Variants in MAK observed in about 807,000 individuals in gnomAD.
The protein encoded by MAK is serine/threonine-protein kinase MAK.
A neutral mutation model predicts 82.6 loss-of-function variants in MAK; 65 were observed. The observed-to-expected ratio is 0.79, with a 90% CI of 0.64 to 0.97. MAK has a LOEUF of 0.97. Ranked by LOEUF, MAK falls within the 50% of genes least tolerant of loss-of-function variation. The pLI, the probability that MAK is intolerant of heterozygous loss-of-function variation, is 0.00. For missense variants in MAK, 703 were observed against 780.2 expected (o/e 0.90, Z 1.18); for synonymous variants, 250 against 274.2 (o/e 0.91, Z 0.87).
rs566306917 is a variant in MAK at position 10,783,844 on chromosome 6, C to T, written c.1465+580G>A. Among the ~76,000 whole-genome samples the T allele has an allele frequency of 2.7e-4, 41 of 152,218 alleles. No homozygotes were observed. The East Asian group carries it at 4.8e-3, about 18-fold the overall frequency. ...GACCATCCCGGCTAACACGGTGAAACACCATCTCTACTAAAAATGCAAAAA... is the reference window on the plus strand; with the variant it reads ...GACCATCCCGGCTAACACGGTGAAATACCATCTCTACTAAAAATGCAAAAA... On this transcript the variant is annotated intron_variant, in intron 11 of 14. Transcript: ENST00000354489.
intron 10 of MAK, among the ~76,000 whole-genome samples, chr6:10,789,350 G>T (rs1243565218): frequency 6.6e-6 from 1 of 152,024 alleles, no homozygotes; most frequent in Non-Finnish European, 1.5e-5. Context: ...ATATTTGAAA[G>T]AATACACATC....
intron 1 of MAK, among the ~76,000 whole-genome samples, chr6:10,836,784 T>C (rs780865617): frequency 3.3e-5 from 5 of 152,250 alleles, no homozygotes; most frequent in African/African-American, 4.8e-5. Context: ...TTAACAGAAT[T>C]GTTAAAAACT....
intron 5 of MAK, among the ~76,000 whole-genome samples, chr6:10,811,241 C>G (rs767896884): frequency 6.6e-6 from 1 of 152,244 alleles, no homozygotes; most frequent in Non-Finnish European, 1.5e-5. Flanking sequence ...TCAAGTGATC[C>G]GCCTGCCTTG....
At chr6:10,770,811 A>T (rs1256164023) in intron 13 of MAK, among the ~76,000 whole-genome samples, 1 of 152,108 alleles carries the variant, frequency 6.6e-6, no homozygotes, top group South Asian at 2.1e-4. Flanking sequence ...TAGCATAGGG[A>T]TGCATTGATG....
At chr6:10,797,849 T>C in intron 8 of MAK, 1 of 1,285,590 alleles carries the variant, frequency 7.8e-7, no homozygotes, top group African/African-American at 1.5e-5. Context: ...TAATTAGGTC[T>C]TTCCACTTCC....
chr6:10,824,504 C>T (rs747708958), intron 2 of MAK, among the ~76,000 whole-genome samples: 3 of 152,182 alleles, frequency 2.0e-5, no homozygotes, highest in Admixed American at 6.5e-5. Flanking sequence ...ATCACACACA[C>T]GTTCTGAACA....
At chr6:10,831,034 A>G (rs1018693241) in intron 1 of MAK, among the ~76,000 whole-genome samples, 157 bp from the exon 2 acceptor site, 27 of 152,224 alleles carry the variant, frequency 1.8e-4, no homozygotes, top group African/African-American at 6.5e-4. Context: ...AATGAAGTTC[A>G]CATATAACTC....
At chr6:10,805,419 C>G (rs1776359610) in intron 6 of MAK, among the ~76,000 whole-genome samples, 2 of 151,956 alleles carry the variant, frequency 1.3e-5, no homozygotes, top group Admixed American at 6.6e-5. Context: ...AACCCCGTCT[C>G]TACTAAAAAT....
chr6:10,830,129 G>C (rs1420162444), intron 2 of MAK, among the ~76,000 whole-genome samples: 3 of 111,136 alleles, frequency 2.7e-5, no homozygotes, highest in African/African-American at 1.1e-4. Context: ...GTGCACGTGT[G>C]TGTGTGTGTG....
intron 11 of MAK, among the ~76,000 whole-genome samples, chr6:10,780,574 C>T (rs1773872573): frequency 6.6e-6 from 1 of 151,558 alleles, no homozygotes; most frequent in Admixed American, 6.6e-5. Context: ...CCTGCCTCAG[C>T]CTCCTGAGTA....
intron 8 of MAK, among the ~76,000 whole-genome samples, chr6:10,799,297 T>C (rs1267354426): frequency 6.6e-6 from 1 of 152,230 alleles, no homozygotes; most frequent in Non-Finnish European, 1.5e-5. Context: ...CTACTTGCAT[T>C]TTATAATAGT....
In MAK at chr6:10,813,127, TA is replaced by T. The variant is rs1777157402; in HGVS notation, c.358+516del. 9.2e-3 allele frequency among the ~76,000 whole-genome samples: 8 copies of T among 870 alleles called. 2 individuals carry two copies. The highest frequency in any genetic ancestry group is 0.02 in the Non-Finnish European group (7 of 358). 0.6% of individuals were successfully genotyped at this position (870 alleles called of 152,430 possible). ...ATATATATATATATATATATATATA[TA>T]TATATAAATTTTTTTTTTTTTTTTT... On this transcript the variant is annotated intron_variant, in intron 5 of 14. Coordinates refer to ENST00000354489, the MANE Select transcript of MAK (RefSeq NM_001242957.3).
chr6:10,799,346 C>T (rs1192297626), intron 8 of MAK, among the ~76,000 whole-genome samples: 2 of 152,112 alleles, frequency 1.3e-5, no homozygotes, highest in African/African-American at 2.4e-5. Context: ...TTTTTGTAAT[C>T]TGTATTTCTT....
chr6:10,784,460 T>C lies in MAK; in HGVS notation c.1429A>G (p.Lys477Glu). The change falls in exon 11 of 15, where the codon AAA (lysine) becomes GAA (glutamate). Residue 477 changes from lysine (K) to glutamate (E), a missense_variant. Transcript: ENST00000354489. ...DSELSTAPTS[K>E]QYYLKQSRYL... is the part of the protein sequence containing the mutation. ...CTTGATTGTTTCAAGTAGTACTGTT[T>C]AGAGGTTGGAGCAGTTGACAATTCG... 1.9e-6 allele frequency: 3 copies of C among 1,614,212 alleles called. No individual in the cohort carries two copies. The South Asian group carries it at 3.3e-5, about 18-fold the overall frequency.
chr6:10,780,808 C>G (rs1368331154), intron 11 of MAK, among the ~76,000 whole-genome samples: 1 of 152,094 alleles, frequency 6.6e-6, no homozygotes, highest in South Asian at 2.1e-4. Flanking sequence ...CTCTCATGAA[C>G]CTATGTTTTG....
intron 2 of MAK, among the ~76,000 whole-genome samples, chr6:10,825,421 G>A (rs770965654): frequency 2.1e-4 from 31 of 151,208 alleles, no homozygotes; most frequent in Non-Finnish European, 4.3e-4. Context: ...TTTTTTGTAA[G>A]ATCCTATTCC....
intron 6 of MAK, among the ~76,000 whole-genome samples, chr6:10,806,399 G>A (rs988852457): frequency 3.3e-5 from 5 of 151,492 alleles, no homozygotes; most frequent in Admixed American, 2.6e-4. Context: ...CGCGATCTTC[G>A]CTCACTGCAA....
intron 5 of MAK, among the ~76,000 whole-genome samples, chr6:10,813,126 A>T (rs1561987486): frequency 0.061 from 42 of 686 alleles, 10 homozygotes; most frequent in South Asian, 0.25. Flanking sequence ...ATATATATAT[A>T]TATATATAAA....
intron 5 of MAK, 87 bp from the exon 6 acceptor site, chr6:10,809,029 A>AC (rs1445248764): frequency 4.3e-6 from 5 of 1,172,890 alleles, no homozygotes; most frequent in Non-Finnish European, 3.8e-6. Flanking sequence ...ATATAAATGA[A>AC]CCCCCTCTTT....
Sources: gnomAD v4.1 joint callset for allele counts (sites outside exome capture counted in the v4.1 genomes callset) on GRCh38, gnomAD v4.1.1 for gene constraint, MANE v1.5 for transcripts, NCBI Gene and HGNC (gene_info 2026-07-23, HGNC 2026-07-21) for gene names.